The following AMZ1 variants were observed in gnomAD, a reference collection of about 807,000 sequenced individuals.
The protein encoded by AMZ1 is archaelysin family metallopeptidase 1.
AMZ1 carries 39 observed loss-of-function variants against 29.9 expected under a neutral mutation model. That is an observed-to-expected ratio of 1.30 (90% CI 1.01 to 1.70). The LOEUF (loss-of-function observed/expected upper bound fraction) is 1.70. Ranked by LOEUF, AMZ1 falls within the 40% of genes most tolerant of loss-of-function variation. The pLI, the probability that AMZ1 is intolerant of heterozygous loss-of-function variation, is 0.00. For synonymous variants in AMZ1, 458 were observed against 304.0 expected, an observed-to-expected ratio of 1.51 and a Z score of -5.27; for missense variants, 1,041 against 680.6, an observed-to-expected ratio of 1.53 and a Z score of -5.89.
chr7:2,718,979 A>G lies in AMZ1; in HGVS notation c.*6101A>G, dbSNP rs963815065. ...TTCCAAATGTATGAGCAGGAAGGAA[A>G]GAGGGAGGGAAGCTGCAAGAACAGG... On this transcript the variant is annotated 3_prime_UTR_variant, in exon 7 of 7. Coordinates refer to ENST00000683327, the MANE Select transcript of AMZ1 (RefSeq NM_001384743.1). Among the ~76,000 whole-genome samples the G allele has an allele frequency of 7.3e-5, 11 of 150,100 alleles. No homozygotes were observed. The highest frequency in any genetic ancestry group is 2.8e-4 in the African/African-American group (11 of 39,980).
In AMZ1 at chr7:2,719,611, G is replaced by A. The variant is rs1789333493; in HGVS notation, c.*6733G>A. On this transcript the variant is annotated 3_prime_UTR_variant, in exon 7 of 7. Coordinates refer to ENST00000683327, the MANE Select transcript of AMZ1 (RefSeq NM_001384743.1). The stretch of plus-strand genomic sequence containing the variant: ...ACGACTTTGATATACAAAATAAATT[G>A]TTACTCAGCTTTTCTATAATGCTTA... 6.6e-6 allele frequency among the ~76,000 whole-genome samples: 1 copy of A among 151,980 alleles called. No individual in the cohort carries two copies. Among genetic ancestry groups the A allele is most frequent in the Non-Finnish European group, 1.5e-5 (1 of 68,008 alleles).
chr7:2,689,962 G>C (rs1787288595), intron 1 of AMZ1, among the ~76,000 whole-genome samples: 1 of 152,180 alleles, frequency 6.6e-6, no homozygotes, highest in African/African-American at 2.4e-5. Flanking sequence ...GACCTGGCAG[G>C]ATGGAAGGAC....
At chr7:2,724,425 T>A (rs113824660), downstream of AMZ1, among the ~76,000 whole-genome samples, 759 of 152,348 alleles carry the variant, frequency 5.0e-3, 6 homozygotes, top group African/African-American at 0.017. Flanking sequence ...TCACTGTTAA[T>A]TAAAGGGTGC....
intron 4 of AMZ1, among the ~76,000 whole-genome samples, chr7:2,753,717 G>A (rs779649174): frequency 1.3e-5 from 2 of 152,084 alleles, no homozygotes; most frequent in African/African-American, 2.4e-5. Flanking sequence ...TGTGACTGCC[G>A]GGCTGTATAA....
Position 2,712,640 on chromosome 7 carries a change from G to A in AMZ1, c.1259G>A (p.Arg420Gln), listed in dbSNP as rs143298706. 5.2e-5 allele frequency: 84 copies of A among 1,613,072 alleles called. No homozygotes were observed. Among genetic ancestry groups the A allele is most frequent in the Middle Eastern group, 3.3e-4 (2 of 6,060 alleles). The change falls in exon 7 of 7, where the codon CGG becomes CAG. Residue 420 changes from arginine to glutamine, a missense_variant. By Grantham distance (43) the Arg-to-Gln change is conservative. Transcript: ENST00000683327. The stretch of plus-strand genomic sequence containing the variant: ...GCCATGTGCATCCAGGCCCTGCAGC[G>A]GGAAGTGGCAGAGGAGGACCTGGTG... ...WLAMCIQALQ[R>Q]EVAEEDLVQV... is the part of the protein sequence containing the mutation.
chr7:2,735,250 G>A (rs1230444478), intron 4 of AMZ1, among the ~76,000 whole-genome samples: 2 of 152,186 alleles, frequency 1.3e-5, no homozygotes, highest in African/African-American at 4.8e-5. Context: ...CTCTCCTGTG[G>A]CCACGGGCTC....
rs1464338868 is a variant in AMZ1, at chr7:2,717,383, A to G, written c.*4505A>G. Among the ~76,000 whole-genome samples the G allele has an allele frequency of 6.6e-6, 1 of 152,188 alleles. No individual in the cohort carries two copies. The highest frequency in any genetic ancestry group is 1.5e-5 in the Non-Finnish European group (1 of 68,030). On this transcript the variant is annotated 3_prime_UTR_variant, in exon 7 of 7. Transcript: ENST00000683327. ...GGCCCGTCCTCTAAGCTGGCTTTGC[A>G]GCTCCAGTAAGAGTGAGAGACTCAC...
intron 4 of AMZ1, among the ~76,000 whole-genome samples, chr7:2,734,607 T>C (rs1790066042): frequency 6.6e-6 from 1 of 152,338 alleles, no homozygotes; most frequent in South Asian, 2.1e-4. Context: ...TCAGTCTATC[T>C]CTTCCTCCTC....
intron 4 of AMZ1, among the ~76,000 whole-genome samples, chr7:2,757,079 C>T (rs578114426): frequency 2.3e-4 from 29 of 127,422 alleles, no homozygotes; most frequent in African/African-American, 7.3e-4. Context: ...TGTCCCAAGG[C>T]GGGGGAAAAA....
chr7:2,709,287 G>A (rs1788591313), intron 5 of AMZ1, 43 bp downstream of exon 5: 1 of 1,465,714 alleles, frequency 6.8e-7, no homozygotes, highest in Non-Finnish European at 9.0e-7. Context: ...ACAGGAGGGT[G>A]CTGTCTGAGC....
At chr7:2,758,672 C>G (rs1791414670) in intron 4 of AMZ1, among the ~76,000 whole-genome samples, 1 of 152,144 alleles carries the variant, frequency 6.6e-6, no homozygotes, top group Non-Finnish European at 1.5e-5. Context: ...TGGAGGAACC[C>G]CTGTGCTAGA....
chr7:2,681,908 C>T (rs1352925215), intron 1 of AMZ1, among the ~76,000 whole-genome samples: 3 of 146,160 alleles, frequency 2.1e-5, no homozygotes, highest in Non-Finnish European at 4.5e-5. Flanking sequence ...GATGGACAGG[C>T]GGCCCCTCCC....
chr7:2,746,929 T>A (rs1476060764), intron 4 of AMZ1, among the ~76,000 whole-genome samples: 1 of 152,162 alleles, frequency 6.6e-6, no homozygotes, highest in Non-Finnish European at 1.5e-5. Context: ...AAGAAATGGA[T>A]AAATTCCTCG....
At chr7:2,691,730 C>CAAAAAAAAAAAA (rs55752807) in intron 1 of AMZ1, among the ~76,000 whole-genome samples, 1 of 84,640 alleles carries the variant, frequency 1.2e-5, no homozygotes, top group African/African-American at 6.2e-5. Flanking sequence ...GGCTCCGTCT[C>CAAAAAAAAAAAA]AAAAAAAAAA....
chr7:2,688,797 C>G (rs1391538191), intron 1 of AMZ1, among the ~76,000 whole-genome samples: 1 of 152,154 alleles, frequency 6.6e-6, no homozygotes, highest in Non-Finnish European at 1.5e-5. Flanking sequence ...AGGCTTCCTC[C>G]CCCAGGAGAC....
Position 2,713,240 on chromosome 7 carries a change from C to G in AMZ1, c.*362C>G. 1 of 171,194 alleles carries G rather than the reference C, an allele frequency of 5.8e-6. No individual in the cohort carries two copies. 10.6% of individuals were successfully genotyped at this position (171,194 alleles called of 1,614,324 possible). A position where few individuals can be genotyped will look rare whatever the true frequency, so the allele number is the denominator to read the frequency against. On this transcript the variant is annotated 3_prime_UTR_variant, in exon 7 of 7. Transcript: ENST00000683327. ...CTGGGCCACACAGAAAGACTGTCTC[C>G]AGAAAAAAAAAAGTTCTTTGGAGAA...
intron 6 of AMZ1, among the ~76,000 whole-genome samples, chr7:2,711,525 G>GT (rs1295549271): frequency 6.6e-6 from 1 of 152,210 alleles, no homozygotes; most frequent in Non-Finnish European, 1.5e-5. Flanking sequence ...GACTAACCTT[G>GT]AGAGCAGAGG....
chr7:2,717,163 C>G lies in AMZ1; in HGVS notation c.*4285C>G, dbSNP rs1202293883. ...AGGAGAGGCCTGGGTGGGTGGCCGG[C>G]ACTCTTAGGTGAGGTGCCAACGAAA... On this transcript the variant is annotated 3_prime_UTR_variant, in exon 7 of 7. Coordinates refer to ENST00000683327, the MANE Select transcript of AMZ1 (RefSeq NM_001384743.1). Among the ~76,000 whole-genome samples the G allele has an allele frequency of 6.6e-6, 1 of 152,224 alleles. No individual in the cohort carries two copies.
At chr7:2,697,394 G>A (rs1256763554) in intron 1 of AMZ1, among the ~76,000 whole-genome samples, 1 of 151,952 alleles carries the variant, frequency 6.6e-6, no homozygotes, top group Non-Finnish European at 1.5e-5. Context: ...GCTGCGCCCG[G>A]CTCTATTTTT....
Sources: gnomAD v4.1 joint callset for allele counts (sites outside exome capture counted in the v4.1 genomes callset) on GRCh38, gnomAD v4.1.1 for gene constraint, MANE v1.5 for transcripts, NCBI Gene and HGNC (gene_info 2026-07-23, HGNC 2026-07-21) for gene names.